TRAF1: variants seen among roughly 807,000 people sequenced by gnomAD.
TRAF1 encodes TNF receptor associated factor 1.
In TRAF1, 23 loss-of-function variants were observed where a neutral mutation model predicts 40.9. The observed-to-expected ratio is 0.56, with a 90% CI of 0.40 to 0.80. TRAF1 has a LOEUF of 0.80. Among genes scored for constraint, TRAF1 ranks in the 30% least tolerant of loss-of-function variants. The pLI is 0.00. For missense variants in TRAF1, 477 were observed against 528.7 expected (o/e 0.90, Z 0.96); for synonymous variants, 206 against 218.8 (o/e 0.94, Z 0.52).
rs547890013 is a variant in TRAF1, at chr9:120,911,383, C to T, written c.836G>A (p.Arg279Gln). 6.2e-6 allele frequency: 10 copies of T among 1,613,532 alleles called. No individual in the cohort carries two copies. The highest frequency in any genetic ancestry group is 1.6e-4 in the Middle Eastern group (1 of 6,084). The change falls in exon 6 of 8, where the codon CGG becomes CAG. Residue 279 changes from arginine to glutamine, a missense_variant. Coordinates refer to ENST00000373887, the MANE Select transcript of TRAF1 (RefSeq NM_005658.5). Reference sequence around the variant, plus strand: ...CCTGCCACAGGCCGACTCATGGCACCGCCTGGTGACATTGGTGATCTTCCA... The same window carrying T: ...CCTGCCACAGGCCGACTCATGGCACTGCCTGGTGACATTGGTGATCTTCCA... Reference protein sequence around the residue: ...FLWKITNVTRRCHESACGRTV... With the variant: ...FLWKITNVTRQCHESACGRTV...
At chr9:120,923,817 G>C in intron 2 of TRAF1, 25 bp from the exon 3 acceptor site, 1 of 1,608,520 alleles carries the variant, frequency 6.2e-7, no homozygotes, top group Non-Finnish European at 8.5e-7. Context: ...ACAAAGCCTT[G>C]GAGAGAGGCA....
rs780148216 is a variant in TRAF1, at chr9:120,904,873, C to T, written c.*147G>A. ...CCTGCCATCCTAACCAGATGGCCAG[C>T]CCGAAGTCGACCCCTCAGTCTTGCT... On this transcript the variant is annotated 3_prime_UTR_variant, in exon 8 of 8. Transcript: ENST00000373887. 5.6e-5 allele frequency: 46 copies of T among 822,734 alleles called. No homozygotes were observed. The highest frequency in any genetic ancestry group is 7.9e-5 in the Admixed American group (3 of 37,842). 51.0% of individuals were successfully genotyped at this position (822,734 alleles called of 1,614,324 possible).
chr9:120,905,326 A>T, intron 7 of TRAF1, 88 bp from the exon 8 acceptor site: 1 of 1,345,924 alleles, frequency 7.4e-7, no homozygotes, highest in Non-Finnish European at 1.0e-6. Context: ...TGTGCTCCAC[A>T]CCTACTGCCT....
chr9:120,915,842 A>T (rs547003609), intron 3 of TRAF1, among the ~76,000 whole-genome samples: 1 of 152,330 alleles, frequency 6.6e-6, no homozygotes, highest in African/African-American at 2.4e-5. Context: ...TCTCTTAAAA[A>T]AAATAAATGA....
rs907198222 is a variant in TRAF1 at position 120,908,806 on chromosome 9, C to T, written c.1032+424G>A. 3.0e-4 allele frequency among the ~76,000 whole-genome samples: 45 copies of T among 152,222 alleles called. 1 individual carries two copies. The highest frequency in any genetic ancestry group is 6.8e-3 in the Middle Eastern group (2 of 294). The stretch of plus-strand genomic sequence containing the variant: ...AACTCCTGGTCTCAAGTGATCCGCC[C>T]GCCTCGGCCTCCCAAATTGTTGAGA... On this transcript the variant is annotated intron_variant, in intron 7 of 7. Transcript: ENST00000373887.
At chr9:120,910,621 T>C (rs1358474006) in intron 6 of TRAF1, among the ~76,000 whole-genome samples, 1 of 152,192 alleles carries the variant, frequency 6.6e-6, no homozygotes, top group African/African-American at 2.4e-5. Flanking sequence ...GGTCTTGAAC[T>C]CCTGGCCTCA....
rs1267814817 is a variant in TRAF1 at position 120,913,681 on chromosome 9, G to A, written c.352C>T (p.Leu118=). 1 of 1,610,792 alleles carries A rather than the reference G, an allele frequency of 6.2e-7. No homozygotes were observed. The highest frequency in any genetic ancestry group is 1.1e-5 in the South Asian group (1 of 90,830). ...EVTSQTSHLN[L]LLGFMKQWKA... ...CACTGTTTCATGAACCCCAACAGCA[G>A]GTTTAGGTGGGAGGTCTGGGAGGTG... The change falls in exon 5 of 8, where the codon CTG becomes TTG. Residue 118 remains leucine (L), a synonymous_variant. Coordinates refer to ENST00000373887, the MANE Select transcript of TRAF1 (RefSeq NM_005658.5).
intron 3 of TRAF1, 119 bp from the exon 4 acceptor site, chr9:120,914,419 C>A: frequency 7.9e-7 from 1 of 1,264,934 alleles, no homozygotes; most frequent in Non-Finnish European, 1.0e-6. Context: ...TGACTTTGCA[C>A]ACTGCTGTTC....
chr9:120,913,276 G>C, intron 5 of TRAF1, 52 bp downstream of exon 5: 2 of 1,540,136 alleles, frequency 1.3e-6, no homozygotes, highest in Non-Finnish European at 1.7e-6. Flanking sequence ...CCGCTCTGGA[G>C]ACAGGATGGG....
In TRAF1 at chr9:120,926,205, T is replaced by A; in HGVS notation, c.-130A>T. 1 of 1,040,094 alleles carries A rather than the reference T, an allele frequency of 9.6e-7. No individual in the cohort carries two copies. Among genetic ancestry groups the A allele is most frequent in the Non-Finnish European group, 1.3e-6 (1 of 755,442 alleles). 64.4% of individuals were successfully genotyped at this position (1,040,094 alleles called of 1,614,324 possible). Reference sequence around the variant, plus strand: ...TCTGATGACTTTATCTTCTTCTCTCTGGCTTGTGTGGTTCAACGTCACAGC... The same window carrying A: ...TCTGATGACTTTATCTTCTTCTCTCAGGCTTGTGTGGTTCAACGTCACAGC... On this transcript the variant is annotated 5_prime_UTR_variant, in exon 2 of 8. Coordinates refer to ENST00000373887, the MANE Select transcript of TRAF1 (RefSeq NM_005658.5).
upstream of TRAF1, chr9:120,928,563 CCT>C (rs2046655415): frequency 6.6e-6 from 1 of 152,342 alleles, no homozygotes; most frequent in Admixed American, 6.5e-5. Flanking sequence ...CTCCTTGACC[CCT>C]TTCTCTTCTA....
chr9:120,921,104 G>C (rs999361628), intron 3 of TRAF1, among the ~76,000 whole-genome samples: 1 of 152,186 alleles, frequency 6.6e-6, no homozygotes, highest in African/African-American at 2.4e-5. Flanking sequence ...GGAGGGGGCT[G>C]ATGCCTCTCA....
chr9:120,906,798 G>T (rs1397618644), intron 7 of TRAF1, among the ~76,000 whole-genome samples: 2 of 152,118 alleles, frequency 1.3e-5, no homozygotes, highest in Non-Finnish European at 2.9e-5. Flanking sequence ...AATCCCCTGT[G>T]CTCTATTCAT....
intron 7 of TRAF1, among the ~76,000 whole-genome samples, chr9:120,906,725 C>T (rs1445469524): frequency 2.0e-5 from 3 of 152,158 alleles, no homozygotes; most frequent in Non-Finnish European, 2.9e-5. Flanking sequence ...TGGGTTTTGA[C>T]AAATGCATAA....
intron 3 of TRAF1, among the ~76,000 whole-genome samples, chr9:120,922,604 G>T (rs925462102): frequency 2.0e-5 from 3 of 152,090 alleles, no homozygotes; most frequent in African/African-American, 7.2e-5. Context: ...TGTCTCTCTG[G>T]CCTATCACAC....
chr9:120,928,979 C>T (rs1353979872), upstream of TRAF1: 6 of 152,052 alleles, frequency 3.9e-5, no homozygotes, highest in African/African-American at 1.4e-4. Flanking sequence ...TCTCTGCAGC[C>T]GAGGTGCCAG....
upstream of TRAF1, chr9:120,928,820 CG>C (rs2046657140): frequency 6.6e-6 from 1 of 152,248 alleles, no homozygotes; most frequent in African/African-American, 2.4e-5. Flanking sequence ...CGCCCGAGGG[CG>C]GGGGAGTGTC....
chr9:120,922,266 A>T (rs186658395), intron 3 of TRAF1, among the ~76,000 whole-genome samples: 7 of 152,308 alleles, frequency 4.6e-5, no homozygotes, highest in African/African-American at 1.7e-4. Flanking sequence ...TTTTAAATTG[A>T]GAGATTAACA....
At chr9:120,917,661 C>A (rs2046577830) in intron 3 of TRAF1, among the ~76,000 whole-genome samples, 1 of 152,142 alleles carries the variant, frequency 6.6e-6, no homozygotes, top group Admixed American at 6.5e-5. Flanking sequence ...TTCCTCCCTT[C>A]CCCAGCTTCT....
Sources: gnomAD v4.1 joint callset for allele counts (sites outside exome capture counted in the v4.1 genomes callset) on GRCh38, gnomAD v4.1.1 for gene constraint, MANE v1.5 for transcripts, NCBI Gene and HGNC (gene_info 2026-07-23, HGNC 2026-07-21) for gene names.